The following GPHN variants were observed in gnomAD, a reference collection of about 807,000 sequenced individuals.
The protein encoded by GPHN is gephyrin.
GPHN carries 17 observed loss-of-function variants against 95.5 expected under a neutral mutation model. The ratio of observed to expected loss-of-function variants is 0.18; its 90% CI spans 0.12 to 0.27. The LOEUF is 0.27. Among genes scored for constraint, GPHN ranks in the 10% least tolerant of loss-of-function variants. GPHN has a pLI of 1.00. For synonymous variants in GPHN, 320 were observed against 322.5 expected (o/e 0.99, Z 0.08); for missense variants, 660 against 978.1 (o/e 0.67, Z 4.34).
chr14:66,606,571 G>A (rs1350111927), intron 1 of GPHN, among the ~76,000 whole-genome samples: 3 of 152,094 alleles, frequency 2.0e-5, no homozygotes, highest in African/African-American at 7.2e-5. Context: ...TGACCAGTAT[G>A]GCCATTTTAA....
At chr14:67,258,254 GC>G in the GPHN span, among the ~76,000 whole-genome samples, 2 of 152,044 alleles carry the variant, frequency 1.3e-5, no homozygotes, top group Non-Finnish European at 2.9e-5. Context: ...TTGATAATAG[GC>G]CAGGCACCGT....
At chr14:67,390,855 G>A in the GPHN span, 1 of 805,330 alleles carries the variant, frequency 1.2e-6, no homozygotes, top group Non-Finnish European at 2.2e-6. Flanking sequence ...GCTCCAATGG[G>A]ACTACATTCT....
intron 4 of GPHN, among the ~76,000 whole-genome samples, chr14:66,837,107 G>T (rs1023151358): frequency 6.6e-6 from 1 of 151,142 alleles, no homozygotes; most frequent in African/African-American, 2.4e-5. Context: ...TATACCCAAA[G>T]GATTATAAAT....
chr14:67,726,553 T>C, the GPHN span, among the ~76,000 whole-genome samples: 1 of 152,030 alleles, frequency 6.6e-6, no homozygotes, highest in Non-Finnish European at 1.5e-5. Flanking sequence ...AGAACTTGAG[T>C]ACGAGGCAGG....
At chr14:67,111,540 A>G (rs2078370869) in intron 14 of GPHN, among the ~76,000 whole-genome samples, 1 of 152,202 alleles carries the variant, frequency 6.6e-6, no homozygotes, top group Non-Finnish European at 1.5e-5. Flanking sequence ...ACATATGTAT[A>G]TAAAAATATA....
chr14:67,349,456 T>G, the GPHN span, among the ~76,000 whole-genome samples: 3 of 152,252 alleles, frequency 2.0e-5, no homozygotes, highest in Non-Finnish European at 4.4e-5. Flanking sequence ...GGTTTGCTAT[T>G]GAATTGGTTA....
chr14:67,032,479 A>C (rs1252259374), intron 10 of GPHN, among the ~76,000 whole-genome samples: 1 of 152,204 alleles, frequency 6.6e-6, no homozygotes, highest in South Asian at 2.1e-4. Flanking sequence ...GAGGGCTACC[A>C]AGAGAATGGT....
chr14:66,608,720 A>G (rs988453479), intron 1 of GPHN, among the ~76,000 whole-genome samples: 2 of 151,900 alleles, frequency 1.3e-5, no homozygotes, highest in African/African-American at 4.8e-5. Flanking sequence ...GTTGAATGGA[A>G]CCCTTTGCCA....
Position 66,717,939 on chromosome 14 carries a change from T to A in GPHN, c.143+36754T>A, listed in dbSNP as rs145776355. On this transcript the variant is annotated intron_variant, in intron 2 of 22. Coordinates refer to ENST00000478722, the MANE Select transcript of GPHN (RefSeq NM_020806.5). ...GGGGTAAAATGAACTCTGTGAGGGG[T>A]CTTAGCTTTGGTGGTTTAATGCTCT... Among the ~76,000 whole-genome samples, 660 of 152,022 alleles carry A rather than the reference T, an allele frequency of 4.3e-3. 2 individuals are homozygous for A. Among genetic ancestry groups the A allele is most frequent in the Non-Finnish European group, 7.0e-3 (477 of 67,982 alleles).
At chr14:66,518,971 G>A (rs1441995870) in intron 1 of GPHN, among the ~76,000 whole-genome samples, 2 of 151,922 alleles carry the variant, frequency 1.3e-5, no homozygotes, top group African/African-American at 4.8e-5. Context: ...ATAGCTAGAA[G>A]GAGGATATTG....
intron 12 of GPHN, among the ~76,000 whole-genome samples, chr14:67,094,643 A>G (rs979632469): frequency 7.2e-5 from 11 of 152,262 alleles, no homozygotes; most frequent in Middle Eastern, 6.8e-3. Flanking sequence ...ATTCATCTTG[A>G]AAAACTGCAA....
At chr14:67,555,741 G>A in the GPHN span, 1 of 1,563,708 alleles carries the variant, frequency 6.4e-7, no homozygotes, top group Non-Finnish European at 8.7e-7. Context: ...TGCAGTGTGT[G>A]CACAGTTCTC....
the GPHN span, among the ~76,000 whole-genome samples, chr14:67,546,744 G>A: frequency 6.6e-6 from 1 of 152,156 alleles, no homozygotes; most frequent in Non-Finnish European, 1.5e-5. Context: ...ATGCGTGCCT[G>A]TAGTCCCAGT....
intron 18 of GPHN, among the ~76,000 whole-genome samples, chr14:67,156,079 C>G (rs1439510864): frequency 6.6e-6 from 1 of 151,906 alleles, no homozygotes; most frequent in Non-Finnish European, 1.5e-5. Flanking sequence ...CGGACCTAGA[C>G]TAAATAGAGT....
chr14:67,267,133 T>G, the GPHN span, among the ~76,000 whole-genome samples: 8 of 152,098 alleles, frequency 5.3e-5, no homozygotes, highest in African/African-American at 1.4e-4. Flanking sequence ...TAAATAAATA[T>G]AAATTTGGTT....
intron 2 of GPHN, among the ~76,000 whole-genome samples, chr14:66,686,060 T>C (rs2067336129): frequency 6.6e-6 from 1 of 152,192 alleles, no homozygotes; most frequent in Non-Finnish European, 1.5e-5. Flanking sequence ...TGGTTGTAGA[T>C]GTGTGGCATT....
intron 1 of GPHN, among the ~76,000 whole-genome samples, chr14:66,541,784 T>G (rs2059363041): frequency 6.6e-6 from 1 of 152,206 alleles, no homozygotes; most frequent in Non-Finnish European, 1.5e-5. Context: ...GAGGTTAGTA[T>G]GCCGATGAAA....
chr14:67,018,271 A>G (rs2073418893), intron 9 of GPHN, among the ~76,000 whole-genome samples: 1 of 152,218 alleles, frequency 6.6e-6, no homozygotes, highest in South Asian at 2.1e-4. Flanking sequence ...TATACTTAAA[A>G]TGAATGAGTT....
At chr14:67,113,196 G>C (rs1246107280) in intron 16 of GPHN, 25 bp downstream of exon 16, 1 of 1,593,510 alleles carries the variant, frequency 6.3e-7, no homozygotes, top group East Asian at 2.2e-5. Context: ...AATGGAGGGA[G>C]TGGGGAGAGG....
Sources: allele counts gnomAD v4.1 joint callset (sites outside exome capture counted in the v4.1 genomes callset), GRCh38; gene constraint gnomAD v4.1.1; transcripts MANE v1.5; gene names NCBI Gene and HGNC (gene_info 2026-07-23, HGNC 2026-07-21).